The following PPP1R10 variants were observed in gnomAD, a reference collection of about 807,000 sequenced individuals.
PPP1R10 encodes serine/threonine-protein phosphatase 1 regulatory subunit 10.
Under a neutral mutation model 99.0 loss-of-function variants are expected in PPP1R10, and 15 were observed. That is an observed-to-expected ratio of 0.15 (90% CI 0.10 to 0.23). PPP1R10 has a LOEUF of 0.23. Ranked by LOEUF, PPP1R10 falls within the 10% of genes least tolerant of loss-of-function variation. The pLI is 1.00. For synonymous variants in PPP1R10, 430 were observed against 449.5 expected, an observed-to-expected ratio of 0.96 and a Z score of 0.55; for missense variants, 947 against 1,259.4, an observed-to-expected ratio of 0.75 and a Z score of 3.75.
chr6:30,615,229 T>TAAAAAAA (rs5875265), intron 2 of PPP1R10, among the ~76,000 whole-genome samples: 7 of 109,756 alleles, frequency 6.4e-5, no homozygotes, highest in African/African-American at 9.8e-5. Flanking sequence ...ACCTTTTTAG[T>TAAAAAAA]AAAAAAAAAA....
At chr6:30,607,317 C>A (rs970092704) in intron 6 of PPP1R10, among the ~76,000 whole-genome samples, 6 of 152,150 alleles carry the variant, frequency 3.9e-5, no homozygotes, top group Non-Finnish European at 8.8e-5. Context: ...CTAATTGTTA[C>A]AACAATCTGA....
chr6:30,603,057 G>A (rs1250511903), intron 17 of PPP1R10, 98 bp from the exon 18 acceptor site: 3 of 1,371,720 alleles, frequency 2.2e-6, no homozygotes, highest in African/African-American at 1.4e-5. Flanking sequence ...AAACCAACCT[G>A]GCAGAGCAAT....
At chr6:30,617,051 A>C (rs1180192926) in intron 1 of PPP1R10, 53 bp from the exon 2 acceptor site, 1 of 152,446 alleles carries the variant, frequency 6.6e-6, no homozygotes, top group Non-Finnish European at 1.5e-5. Context: ...GGGTTGCTTC[A>C]AAACACTCAC....
chr6:30,601,001 A>AG lies in PPP1R10; in HGVS notation c.*547dup, dbSNP rs1803255081. ...AAGAATGGTGAGCCCACGCTGGGGGAGGGGTGGGGATGATGTGTGTTCCAG... is the reference window on the plus strand; with the variant it reads ...AAGAATGGTGAGCCCACGCTGGGGGAGGGGGTGGGGATGATGTGTGTTCCAG... On this transcript the variant is annotated 3_prime_UTR_variant, in exon 20 of 20. Coordinates refer to ENST00000376511, the MANE Select transcript of PPP1R10 (RefSeq NM_002714.4). The AG allele has an allele frequency of 6.5e-6, 1 of 153,054 alleles. No homozygotes were observed. The highest frequency in any genetic ancestry group is 1.5e-5 in the Non-Finnish European group (1 of 68,448). The allele number at this position is 153,054 out of a possible 1,614,324, so 9.5% of individuals were successfully genotyped here.
intron 2 of PPP1R10, among the ~76,000 whole-genome samples, chr6:30,613,950 T>C (rs987658172): frequency 1.3e-5 from 2 of 152,170 alleles, no homozygotes; most frequent in African/African-American, 4.8e-5. Context: ...TAAGTAATAA[T>C]TTGAGAATCT....
chr6:30,602,293 C>A lies in PPP1R10; in HGVS notation c.2356G>T (p.Gly786Cys), dbSNP rs1803418960. 3.7e-6 allele frequency: 6 copies of A among 1,612,520 alleles called. No homozygotes were observed. Among genetic ancestry groups the A allele is most frequent in the Non-Finnish European group, 5.1e-6 (6 of 1,179,834 alleles). ...CCCCCACCCATGCTACCACCAGGGC[C>A]TTCATGGGGGCGATGCCCACTTCCC... ...GMGSGHRPHE[G>C]PGGSMGGGGG... Residue 786 changes from glycine (G) to cysteine (C), a missense_variant, in exon 19 of 20, where the codon GGC becomes TGC. Gly to Cys is a radical substitution (Grantham distance 159). Transcript: ENST00000376511. This position sits in a 1 kb window ranked among gnomAD's most constrained non-coding sequence, Gnocchi z 6.7.
Position 30,606,887 on chromosome 6 carries a change from ATAATG to A in PPP1R10, c.383-36_383-32del, listed in dbSNP as rs775050863. On this transcript the variant is annotated intron_variant, in intron 6 of 19. Coordinates refer to ENST00000376511, the MANE Select transcript of PPP1R10 (RefSeq NM_002714.4). This position sits in a 1 kb window ranked among gnomAD's most constrained non-coding sequence, Gnocchi z 6.3. ...GGTGACAGAAAGGGGAAATGCCTAAATAATGTAAAGTAACATTCTTCCAGGAACAG... is the reference window on the plus strand; with the variant it reads ...GGTGACAGAAAGGGGAAATGCCTAAATAAAGTAACATTCTTCCAGGAACAG... 5.8e-6 allele frequency: 9 copies of A among 1,563,292 alleles called. No homozygotes were observed. Among genetic ancestry groups the A allele is most frequent in the Non-Finnish European group, 7.9e-6 (9 of 1,135,440 alleles).
chr6:30,612,230 C>A (rs1804633650), intron 2 of PPP1R10, among the ~76,000 whole-genome samples: 1 of 152,214 alleles, frequency 6.6e-6, no homozygotes, highest in Admixed American at 6.5e-5. Flanking sequence ...CTGATTCAAA[C>A]CCAGAGTTGA....
At chr6:30,603,887 A>G in intron 14 of PPP1R10, 44 bp from the exon 15 acceptor site, 2 of 1,523,354 alleles carry the variant, frequency 1.3e-6, no homozygotes, top group Non-Finnish European at 1.8e-6. Context: ...ATGATAGTCA[A>G]GTTATTAATT....
At chr6:30,612,662 AG>A (rs1804674558) in intron 2 of PPP1R10, among the ~76,000 whole-genome samples, 1 of 152,178 alleles carries the variant, frequency 6.6e-6, no homozygotes, top group South Asian at 2.1e-4. Flanking sequence ...GCCTTCCTTC[AG>A]GAAGATTAGT....
chr6:30,613,932 CAGA>C (rs1403689584), intron 2 of PPP1R10, among the ~76,000 whole-genome samples: 1 of 152,220 alleles, frequency 6.6e-6, no homozygotes, highest in African/African-American at 2.4e-5. Flanking sequence ...CCATCCAATC[CAGA>C]AGCTTAAGTA....
rs991309599 is a variant in PPP1R10, at chr6:30,616,719, G to A, written c.-253C>T. ...GAGTGGATTCAAAAAAGTAAACGCT[G>A]GATGAGTGAATTTGGGTGGTTTGGG... On this transcript the variant is annotated 5_prime_UTR_variant, in exon 2 of 20. Coordinates refer to ENST00000376511, the MANE Select transcript of PPP1R10 (RefSeq NM_002714.4). 18 of 152,144 alleles carry A rather than the reference G, an allele frequency of 1.2e-4. No individual in the cohort carries two copies. Among genetic ancestry groups the A allele is most frequent in the African/African-American group, 4.3e-4 (18 of 41,410 alleles). 9.4% of individuals were successfully genotyped at this position (152,144 alleles called of 1,614,324 possible).
intron 6 of PPP1R10, among the ~76,000 whole-genome samples, chr6:30,607,229 T>C (rs994798969): frequency 6.6e-6 from 1 of 152,234 alleles, no homozygotes; most frequent in African/African-American, 2.4e-5. Context: ...AACTTATACA[T>C]GTAACCAAAA....
chr6:30,607,830 G>A lies in PPP1R10; in HGVS notation c.382+10C>T. The A allele has an allele frequency of 1.2e-6, 2 of 1,611,974 alleles. No homozygotes were observed. The highest frequency in any genetic ancestry group is 1.7e-6 in the Non-Finnish European group (2 of 1,179,096). On this transcript the variant is annotated intron_variant, in intron 6 of 19. Coordinates refer to ENST00000376511, the MANE Select transcript of PPP1R10 (RefSeq NM_002714.4). ...GAAAAGCCCATGAGAGAGCAGAAGT[G>A]GCACCCTACCTTCATCCTCACTTGA...
intron 2 of PPP1R10, among the ~76,000 whole-genome samples, chr6:30,614,755 C>T (rs1049545495): frequency 2.6e-5 from 4 of 152,030 alleles, no homozygotes; most frequent in African/African-American, 9.7e-5. Context: ...CTTAGGTTTG[C>T]CTGTTTTTTC....
At chr6:30,612,092 T>A (rs1166546030) in intron 2 of PPP1R10, among the ~76,000 whole-genome samples, 1 of 152,158 alleles carries the variant, frequency 6.6e-6, no homozygotes, top group Admixed American at 6.5e-5. Flanking sequence ...ATCAAGAGAC[T>A]AAGAAATTTT....
In PPP1R10 at chr6:30,605,159, A is replaced by C. The variant is rs1219347757; in HGVS notation, c.854-65T>G. 3 of 1,428,764 alleles carry C rather than the reference A, an allele frequency of 2.1e-6. No individual in the cohort carries two copies. The East Asian group carries it at 6.8e-5, about 33-fold the overall frequency. The allele number at this position is 1,428,764 out of a possible 1,614,324, so 88.5% of individuals were successfully genotyped here. A position where few individuals can be genotyped will look rare whatever the true frequency, so the allele number is the denominator to read the frequency against. ...CCTTCATAATCCTACACCTGCAAAC[A>C]CAGTCCAGGCATAAAATGAGCCAGT... On this transcript the variant is annotated intron_variant, in intron 10 of 19. Transcript: ENST00000376511.
In PPP1R10 at chr6:30,604,117, G is replaced by C; in HGVS notation, c.1399C>G (p.Leu467Val). 1 of 1,614,068 alleles carries C rather than the reference G, an allele frequency of 6.2e-7. No homozygotes were observed. The highest frequency in any genetic ancestry group is 8.5e-7 in the Non-Finnish European group (1 of 1,180,006). ...GTGACAAGAGGTGAGGGCAGAACCA[G>C]GGGCCGGGGGCACACCCAGGGCACC... ...EKVPWVCPRP[L>V]VLPSPLVTPG... is the part of the protein sequence containing the mutation. The change falls in exon 14 of 20, where the codon CTG becomes GTG. Residue 467 changes from leucine (L) to valine (V), a missense_variant. By Grantham distance (32) the Leu-to-Val change is conservative. Transcript: ENST00000376511. This position sits in a 1 kb window ranked among gnomAD's most constrained non-coding sequence, Gnocchi z 7.3.
chr6:30,613,245 T>C (rs924219186), intron 2 of PPP1R10, among the ~76,000 whole-genome samples: 3 of 152,174 alleles, frequency 2.0e-5, no homozygotes, highest in African/African-American at 4.8e-5. Flanking sequence ...GCTAAAGTTA[T>C]TCCACACCCA....
Sources: allele counts gnomAD v4.1 joint callset (sites outside exome capture counted in the v4.1 genomes callset), GRCh38; gene constraint gnomAD v4.1.1; non-coding constraint Gnocchi (gnomAD v3.1); transcripts MANE v1.5; gene names NCBI Gene and HGNC (gene_info 2026-07-23, HGNC 2026-07-21).